The following NEDD4L variants were observed in gnomAD, a reference collection of about 807,000 sequenced individuals.
The protein encoded by NEDD4L is NEDD4 like E3 ubiquitin protein ligase, also known as E3 ubiquitin-protein ligase NEDD4-like.
A neutral mutation model predicts 148.9 loss-of-function variants in NEDD4L; 54 were observed. The observed-to-expected ratio is 0.36, with a 90% CI of 0.29 to 0.45. NEDD4L has a LOEUF of 0.45. NEDD4L is among the 20% of genes least tolerant of loss of function. NEDD4L has a pLI of 1.00. For synonymous variants in NEDD4L, 433 were observed against 440.7 expected, an observed-to-expected ratio of 0.98 and a Z score of 0.22; for missense variants, 856 against 1,233.8, an observed-to-expected ratio of 0.69 and a Z score of 4.59.
At chr18:58,064,663 A>G (rs1259266618) in intron 1 of NEDD4L, among the ~76,000 whole-genome samples, 1 of 152,228 alleles carries the variant, frequency 6.6e-6, no homozygotes, top group African/African-American at 2.4e-5. Flanking sequence ...TTGATCCTGA[A>G]TACAAGGGCC....
chr18:58,327,976 G>A (rs1197623403), intron 9 of NEDD4L, among the ~76,000 whole-genome samples: 1 of 133,322 alleles, frequency 7.5e-6, no homozygotes, highest in Admixed American at 7.5e-5. Flanking sequence ...GTTTTGTTTT[G>A]TTTTGAGATG....
intron 1 of NEDD4L, among the ~76,000 whole-genome samples, chr18:58,140,887 G>A (rs76668846): frequency 0.012 from 1,840 of 152,234 alleles, 36 homozygotes; most frequent in African/African-American, 0.042. Flanking sequence ...TTAGAGGGAA[G>A]CATTGAGGAT....
intron 1 of NEDD4L, among the ~76,000 whole-genome samples, chr18:58,086,106 C>G (rs1284122583): frequency 6.6e-6 from 1 of 152,136 alleles, no homozygotes; most frequent in Non-Finnish European, 1.5e-5. Context: ...TTTATTTTGA[C>G]TTTTAATCCT....
chr18:58,146,063 T>C (rs1027995977), intron 1 of NEDD4L, among the ~76,000 whole-genome samples: 7 of 152,150 alleles, frequency 4.6e-5, no homozygotes, highest in African/African-American at 1.7e-4. Context: ...AAAAATGGGA[T>C]TAAAAGTATT....
At chr18:58,142,429 G>A (rs191632180) in intron 1 of NEDD4L, among the ~76,000 whole-genome samples, 172 of 152,222 alleles carry the variant, frequency 1.1e-3, no homozygotes, top group Admixed American at 2.2e-3. Context: ...ATTTTCTTCA[G>A]CTTTCAGAAG....
At chr18:58,283,993 G>A (rs1471366232) in intron 5 of NEDD4L, among the ~76,000 whole-genome samples, 2 of 152,170 alleles carry the variant, frequency 1.3e-5, no homozygotes, top group Non-Finnish European at 2.9e-5. Context: ...CTTCTACAAG[G>A]CAGGGAACTC....
intron 1 of NEDD4L, among the ~76,000 whole-genome samples, chr18:58,057,264 T>A (rs7231470): frequency 0.095 from 14,372 of 151,752 alleles, 999 homozygotes; most frequent in African/African-American, 0.2. Context: ...TTTTTTTTTT[T>A]TAATTATCTG....
chr18:58,390,125 C>G (rs1250916961), intron 28 of NEDD4L: 1 of 152,510 alleles, frequency 6.6e-6, no homozygotes, highest in Non-Finnish European at 1.5e-5. Context: ...GTAAAGCCAC[C>G]TGGATTCCCA....
At chr18:58,153,284 G>C (rs2035032275) in intron 1 of NEDD4L, among the ~76,000 whole-genome samples, 1 of 151,466 alleles carries the variant, frequency 6.6e-6, no homozygotes, top group South Asian at 2.1e-4. Flanking sequence ...GATACAAAAT[G>C]TGAGGGACTG....
At chr18:58,318,144 C>T (rs940781877) in intron 6 of NEDD4L, among the ~76,000 whole-genome samples, 13 of 152,006 alleles carry the variant, frequency 8.6e-5, no homozygotes, top group African/African-American at 2.7e-4. Context: ...GGAGCATATG[C>T]GTGTATTTTG....
intron 22 of NEDD4L, among the ~76,000 whole-genome samples, chr18:58,368,802 G>A (rs896798717): frequency 1.3e-5 from 2 of 150,904 alleles, no homozygotes; most frequent in Admixed American, 6.6e-5. Flanking sequence ...CCTCTAGAAG[G>A]AAACTAAACC....
At position 58,256,180 on chromosome 18, in the gene NEDD4L, G is replaced by A. The variant is rs1322429846; in HGVS notation, c.297+4126G>A. ...GCCGCGTGCGGTGCTCCGGCCCCGT[G>A]GACTGCGCGGAGGAGGCTGCCCCGG... is the stretch of plus-strand genomic sequence containing the variant. On this transcript the variant is annotated intron_variant, in intron 5 of 30. Coordinates refer to ENST00000400345, the MANE Select transcript of NEDD4L (RefSeq NM_001144967.3). This position sits in a 1 kb window ranked among gnomAD's most constrained non-coding sequence, Gnocchi z 5.2. 8.2e-7 allele frequency: 1 copy of A among 1,217,268 alleles called. No individual in the cohort carries two copies. Among genetic ancestry groups the A allele is most frequent in the African/African-American group, 1.6e-5 (1 of 63,704 alleles). 75.4% of individuals were successfully genotyped at this position (1,217,268 alleles called of 1,614,324 possible). A position where few individuals can be genotyped will look rare whatever the true frequency, so the allele number is the denominator to read the frequency against.
chr18:58,226,317 G>T (rs2044349690), intron 2 of NEDD4L, among the ~76,000 whole-genome samples: 1 of 152,180 alleles, frequency 6.6e-6, no homozygotes, highest in Admixed American at 6.5e-5. Flanking sequence ...ACCATTGAAG[G>T]CAAAAGTGCC....
chr18:58,255,341 G>A, intron 5 of NEDD4L: 1 of 316,128 alleles, frequency 3.2e-6, no homozygotes, highest in Non-Finnish European at 5.5e-6. Context: ...GAGCGAGTAG[G>A]GGAAAACTCC....
At chr18:58,246,677 C>G (rs1038050804) in intron 3 of NEDD4L, among the ~76,000 whole-genome samples, 2 of 152,108 alleles carry the variant, frequency 1.3e-5, no homozygotes, top group African/African-American at 4.8e-5. Context: ...GTTGACCAGG[C>G]TGGTCTGGAA....
At chr18:58,278,931 G>A (rs2052575549) in intron 5 of NEDD4L, among the ~76,000 whole-genome samples, 1 of 152,090 alleles carries the variant, frequency 6.6e-6, no homozygotes, top group Admixed American at 6.5e-5. Context: ...GAGTGCAGTG[G>A]TGCAGTCTCA....
intron 2 of NEDD4L, among the ~76,000 whole-genome samples, chr18:58,168,312 G>A (rs180740684): frequency 1.1e-4 from 16 of 152,266 alleles, no homozygotes; most frequent in African/African-American, 3.9e-4. Context: ...TGGCAGTGTG[G>A]GTTAATGCCA....
intron 22 of NEDD4L, among the ~76,000 whole-genome samples, chr18:58,368,096 A>G (rs764770757): frequency 6.6e-6 from 1 of 152,220 alleles, no homozygotes; most frequent in Non-Finnish European, 1.5e-5. Context: ...ACTTCAGTGT[A>G]AAACACAGAA....
rs372994424 is a variant in NEDD4L, at chr18:58,130,129, C to T, written c.49-35659C>T. On this transcript the variant is annotated intron_variant, in intron 1 of 30. Transcript: ENST00000400345. ...TGGGGTTTGGTTGACTGTGATCTAG[C>T]GGAACTGTGGCTGTGTTGGGCTCTG... Among the ~76,000 whole-genome samples the T allele has an allele frequency of 2.7e-3, 226 of 83,316 alleles. 1 individual carries two copies. Among genetic ancestry groups the T allele is most frequent in the African/African-American group, 0.01 (209 of 20,634 alleles). The allele number at this position is 83,316 out of a possible 152,430, so 54.7% of individuals were successfully genotyped here.
Sources: allele counts gnomAD v4.1 joint callset (sites outside exome capture counted in the v4.1 genomes callset), GRCh38; gene constraint gnomAD v4.1.1; non-coding constraint Gnocchi (gnomAD v3.1); transcripts MANE v1.5; gene names NCBI Gene and HGNC (gene_info 2026-07-23, HGNC 2026-07-21).